Variants in RIMS1 observed in about 807,000 individuals in gnomAD.
The protein encoded by RIMS1 is regulating synaptic membrane exocytosis 1.
Under a neutral mutation model 214.1 loss-of-function variants are expected in RIMS1, and 83 were observed. The observed-to-expected ratio is 0.39, with a 90% CI of 0.32 to 0.47. The LOEUF (loss-of-function observed/expected upper bound fraction) is 0.47, where lower values mean the gene tolerates loss of function less well. Ranked by LOEUF, RIMS1 falls within the 20% of genes least tolerant of loss-of-function variation. RIMS1 has a pLI of 0.99. For synonymous variants in RIMS1, 793 were observed against 786.8 expected (o/e 1.01, Z -0.13); for missense variants, 2,050 against 2,161.8 (o/e 0.95, Z 1.03).
intron 26 of RIMS1, among the ~76,000 whole-genome samples, chr6:72,304,320 A>T (rs937983253): frequency 1.7e-4 from 26 of 151,892 alleles, no homozygotes; most frequent in African/African-American, 5.1e-4. Context: ...TAATATAAAA[A>T]TTTTAAATGA....
At chr6:72,046,022 A>T (rs571092541) in intron 2 of RIMS1, among the ~76,000 whole-genome samples, 2 of 152,176 alleles carry the variant, frequency 1.3e-5, no homozygotes, top group East Asian at 3.9e-4. Context: ...AATGTCAAAG[A>T]CATAATTTTC....
intron 2 of RIMS1, among the ~76,000 whole-genome samples, chr6:72,082,110 T>G (rs562911303): frequency 8.6e-4 from 131 of 152,268 alleles, no homozygotes; most frequent in African/African-American, 3.1e-3. Context: ...TGGAATAAAT[T>G]TTTTATTACT....
chr6:71,913,400 A>G (rs1171648221), intron 1 of RIMS1, among the ~76,000 whole-genome samples: 1 of 152,116 alleles, frequency 6.6e-6, no homozygotes, highest in African/African-American at 2.4e-5. Flanking sequence ...TTTTATAGAC[A>G]ATAATGTTGT....
intron 29 of RIMS1, among the ~76,000 whole-genome samples, chr6:72,345,685 T>C (rs2097240020): frequency 6.6e-6 from 1 of 151,850 alleles, no homozygotes; most frequent in East Asian, 1.9e-4. Flanking sequence ...CTTTAAAAAA[T>C]GTGTATTTAA....
At chr6:71,998,458 G>A (rs1465272470) in intron 2 of RIMS1, among the ~76,000 whole-genome samples, 1 of 152,008 alleles carries the variant, frequency 6.6e-6, no homozygotes, top group Non-Finnish European at 1.5e-5. Flanking sequence ...TTGTGAATCT[G>A]TTTGTTTATG....
At chr6:71,980,544 T>G (rs187226688) in intron 2 of RIMS1, among the ~76,000 whole-genome samples, 3 of 152,108 alleles carry the variant, frequency 2.0e-5, no homozygotes, top group East Asian at 3.9e-4. Flanking sequence ...AGTTTATGAA[T>G]GTCCTTGAAG....
chr6:72,090,897 G>C (rs1836041344), intron 2 of RIMS1, among the ~76,000 whole-genome samples: 1 of 152,084 alleles, frequency 6.6e-6, no homozygotes, highest in Admixed American at 6.6e-5. Flanking sequence ...TTTTTTGGAG[G>C]CTCTTAATCA....
intron 2 of RIMS1, among the ~76,000 whole-genome samples, chr6:72,096,091 A>G (rs1048615588): frequency 3.3e-5 from 5 of 152,216 alleles, no homozygotes; most frequent in African/African-American, 9.6e-5. Flanking sequence ...GGAGACTTTA[A>G]TCACATTAAA....
At chr6:72,132,501 G>GCATATGTGTTGCATGTGT (rs1442441422) in intron 4 of RIMS1, among the ~76,000 whole-genome samples, 1 of 152,052 alleles carries the variant, frequency 6.6e-6, no homozygotes, top group African/African-American at 2.4e-5. Context: ...TTATTGTAGT[G>GCATATGTGTTGCATGTGT]TTCTTAGTTG....
chr6:72,057,133 A>T (rs1490839203), intron 2 of RIMS1, among the ~76,000 whole-genome samples: 2 of 152,190 alleles, frequency 1.3e-5, no homozygotes, highest in Non-Finnish European at 2.9e-5. Flanking sequence ...TGCCTATGTA[A>T]CAAACCTGCA....
intron 4 of RIMS1, among the ~76,000 whole-genome samples, chr6:72,134,776 T>C (rs2041005108): frequency 6.6e-6 from 1 of 151,924 alleles, no homozygotes; most frequent in Non-Finnish European, 1.5e-5. Context: ...TTTTCAATAA[T>C]TAAGTTCTAA....
Position 72,099,987 on chromosome 6 carries a change from G to T in RIMS1, c.471+1G>T. 1 of 1,603,028 alleles carries T rather than the reference G, an allele frequency of 6.2e-7. No individual in the cohort carries two copies. Among genetic ancestry groups the T allele is most frequent in the Non-Finnish European group, 8.5e-7 (1 of 1,171,076 alleles). ...TGCTTTCCCAAAGGAGGACAAAGTG[G>T]TTAGAATCCATACTTTCTTTTCTAT... On this transcript the variant is annotated splice_donor_variant, in intron 4 of 33. Transcript: ENST00000521978. LOFTEE classifies it high-confidence loss of function.
At chr6:72,306,298 T>C (rs1417220807) in intron 26 of RIMS1, among the ~76,000 whole-genome samples, 1 of 151,762 alleles carries the variant, frequency 6.6e-6, no homozygotes, top group Admixed American at 6.6e-5. Flanking sequence ...ATCTGAATAC[T>C]TGTTGCAGAA....
At chr6:72,065,695 TATC>T in intron 2 of RIMS1, among the ~76,000 whole-genome samples, 1 of 152,304 alleles carries the variant, frequency 6.6e-6, no homozygotes, top group Admixed American at 6.5e-5. Context: ...AAGATTCAAT[TATC>T]ATGTCCATTT....
At chr6:72,111,222 AC>A (rs1325913669) in intron 4 of RIMS1, among the ~76,000 whole-genome samples, 3 of 152,102 alleles carry the variant, frequency 2.0e-5, no homozygotes, top group African/African-American at 7.2e-5. Context: ...TTTCTCAGCT[AC>A]CTACTTTGAC....
At chr6:72,364,144 T>C (rs1402362683) in intron 29 of RIMS1, among the ~76,000 whole-genome samples, 1 of 152,224 alleles carries the variant, frequency 6.6e-6, no homozygotes, top group East Asian at 1.9e-4. Flanking sequence ...ATAACTCTAT[T>C]CTGGCTTTCC....
intron 2 of RIMS1, among the ~76,000 whole-genome samples, chr6:72,090,273 C>G (rs1835869156): frequency 6.6e-6 from 1 of 152,088 alleles, no homozygotes; most frequent in Admixed American, 6.5e-5. Flanking sequence ...TCTCAAAGTG[C>G]TGAAATTACA....
chr6:72,220,965 G>A (rs1377073727), intron 6 of RIMS1, among the ~76,000 whole-genome samples: 1 of 152,060 alleles, frequency 6.6e-6, no homozygotes, highest in Non-Finnish European at 1.5e-5. Flanking sequence ...AAAAGTGATG[G>A]AAAAATTAAG....
intron 8 of RIMS1, 61 bp from the exon 9 acceptor site, chr6:72,237,762 A>G: frequency 8.2e-7 from 1 of 1,212,296 alleles, no homozygotes; most frequent in South Asian, 1.3e-5. Context: ...TTAATTCCTC[A>G]AACTAATAAG....
Sources: gnomAD v4.1 joint callset for allele counts (sites outside exome capture counted in the v4.1 genomes callset) on GRCh38, gnomAD v4.1.1 for gene constraint, MANE v1.5 for transcripts, NCBI Gene and HGNC (gene_info 2026-07-23, HGNC 2026-07-21) for gene names.